SLFN12L: variants seen among roughly 807,000 people sequenced by gnomAD.
The protein encoded by SLFN12L is schlafen family member 12 like.
SLFN12L carries 34 observed loss-of-function variants against 34.8 expected under a neutral mutation model. The ratio of observed to expected loss-of-function variants is 0.98; its 90% CI spans 0.74 to 1.30. The LOEUF (loss-of-function observed/expected upper bound fraction) is 1.30. Among genes scored for constraint, SLFN12L ranks in the 50% most tolerant of loss-of-function variants. The probability of loss-of-function intolerance (pLI) is 0.00; values close to 1 mark genes in which losing one functional copy is unlikely to be tolerated. For missense variants in SLFN12L, 703 were observed against 696.2 expected (o/e 1.01, Z -0.11); for synonymous variants, 259 against 247.5 (o/e 1.05, Z -0.44).
intron 2 of SLFN12L, among the ~76,000 whole-genome samples, chr17:35,500,926 G>A (rs569041634): frequency 6.6e-6 from 1 of 152,246 alleles, no homozygotes; most frequent in South Asian, 2.1e-4. Context: ...CCTTGGAGTT[G>A]TAAGCCCTTA....
chr17:35,491,221 G>A, intron 2 of SLFN12L: 1 of 1,102,042 alleles, frequency 9.1e-7, no homozygotes, highest in South Asian at 1.5e-5. Flanking sequence ...CCCACTGGTG[G>A]AAGACTTCAA....
At chr17:35,517,951 A>T (rs1238015318) in intron 2 of SLFN12L, among the ~76,000 whole-genome samples, 3 of 152,264 alleles carry the variant, frequency 2.0e-5, no homozygotes, top group South Asian at 2.1e-4. Flanking sequence ...ACGCTAAAAG[A>T]AAACCTAGGC....
In SLFN12L at chr17:35,472,783, G is replaced by A. The variant is rs1220867181; in HGVS notation, c.*2140C>T. Among the ~76,000 whole-genome samples the A allele has an allele frequency of 1.3e-5, 2 of 152,182 alleles. No homozygotes were observed. Among genetic ancestry groups the A allele is most frequent in the African/African-American group, 4.8e-5 (2 of 41,440 alleles). ...TGATATTGATTCTTCCTGTTTATGA[G>A]GATGGAATGTTTTTCCATTTGTTTG... On this transcript the variant is annotated 3_prime_UTR_variant, in exon 5 of 5. Transcript: ENST00000628453.
chr17:35,484,687 C>A (rs1597838578), intron 2 of SLFN12L, among the ~76,000 whole-genome samples: 1 of 152,204 alleles, frequency 6.6e-6, no homozygotes, highest in African/African-American at 2.4e-5. Flanking sequence ...AATAGCCTGG[C>A]AAGTGCATTG....
chr17:35,520,950 T>G (rs1263692985), intron 2 of SLFN12L, among the ~76,000 whole-genome samples: 1 of 152,134 alleles, frequency 6.6e-6, no homozygotes, highest in Non-Finnish European at 1.5e-5. Flanking sequence ...CCTTTCTGTC[T>G]AAGCTTCCCC....
intron 2 of SLFN12L, among the ~76,000 whole-genome samples, chr17:35,491,869 C>G (rs1310624876): frequency 6.6e-6 from 1 of 152,188 alleles, no homozygotes; most frequent in Non-Finnish European, 1.5e-5. Flanking sequence ...GGATGAAGAA[C>G]CTGTTTTCAA....
chr17:35,487,632 C>A (rs1914641661), intron 2 of SLFN12L: 1 of 1,338,698 alleles, frequency 7.5e-7, no homozygotes, highest in Non-Finnish European at 1.0e-6. Context: ...ACGTGAATAG[C>A]TCTGAGGGAT....
intron 2 of SLFN12L, chr17:35,490,660 A>G: frequency 1.0e-6 from 1 of 980,390 alleles, no homozygotes; most frequent in Non-Finnish European, 1.6e-6. Flanking sequence ...CCCAAGCTGC[A>G]CGCTGGACCT....
At chr17:35,531,801 A>G (rs1045276024) in intron 1 of SLFN12L, among the ~76,000 whole-genome samples, 1 of 151,432 alleles carries the variant, frequency 6.6e-6, no homozygotes, top group East Asian at 1.9e-4. Flanking sequence ...AATTTTTTTT[A>G]TTTTTATTTT....
In SLFN12L at chr17:35,467,801, C is replaced by G. The variant is rs980227875; in HGVS notation, c.*7122G>C. ...GATATGGGACCCGTTTGAGCCTAAACTTCAACCATGAAGCAAGCAAGCAAG... is the reference window on the plus strand; with the variant it reads ...GATATGGGACCCGTTTGAGCCTAAAGTTCAACCATGAAGCAAGCAAGCAAG... On this transcript the variant is annotated 3_prime_UTR_variant, in exon 5 of 5. Transcript: ENST00000628453. Among the ~76,000 whole-genome samples the G allele has an allele frequency of 1.3e-5, 2 of 152,208 alleles. No individual in the cohort carries two copies. The highest frequency in any genetic ancestry group is 2.9e-5 in the Non-Finnish European group (2 of 68,034).
At chr17:35,537,018 C>A (rs536649141) in intron 1 of SLFN12L, among the ~76,000 whole-genome samples, 1 of 151,646 alleles carries the variant, frequency 6.6e-6, no homozygotes, top group African/African-American at 2.4e-5. Context: ...TCTACAGAAA[C>A]GAAAAAAATT....
chr17:35,517,336 A>G (rs1915859594), intron 2 of SLFN12L, among the ~76,000 whole-genome samples: 1 of 152,234 alleles, frequency 6.6e-6, no homozygotes, highest in Admixed American at 6.5e-5. Context: ...TAGGAATACA[A>G]CTTACAAGGG....
chr17:35,487,675 T>G lies in SLFN12L; in HGVS notation c.87-7480A>C, dbSNP rs1306748533. 3.3e-6 allele frequency: 5 copies of G among 1,519,628 alleles called. No homozygotes were observed. The East Asian group carries it at 1.2e-4, about 37-fold the overall frequency. 94.1% of individuals were successfully genotyped at this position (1,519,628 alleles called of 1,614,324 possible). A position where few individuals can be genotyped will look rare whatever the true frequency, so the allele number is the denominator to read the frequency against. On this transcript the variant is annotated intron_variant, in intron 2 of 4. Coordinates refer to ENST00000628453, the MANE Select transcript of SLFN12L (RefSeq NM_001363830.2). ...AAGTTCTCGTTTCGTCTGTACCTAT[T>G]TGTATTTTCTAAGGCGAAAAAAAAG...
At chr17:35,536,740 T>C (rs751038589) in intron 1 of SLFN12L, among the ~76,000 whole-genome samples, 1 of 148,910 alleles carries the variant, frequency 6.7e-6, no homozygotes, top group Non-Finnish European at 1.5e-5. Context: ...CCTAGGGAGG[T>C]TGAGACTGCA....
rs143051307 is a variant in SLFN12L, at chr17:35,501,610, T to A, written c.86+20669A>T. On this transcript the variant is annotated intron_variant, in intron 2 of 4. Transcript: ENST00000628453. Reference sequence around the variant, plus strand: ...TGAGGTGTGAGTGTGGTGTTTTGTCTCAAGGAAGCATGGGTCAGGCACAAA... The same window carrying A: ...TGAGGTGTGAGTGTGGTGTTTTGTCACAAGGAAGCATGGGTCAGGCACAAA... Among the ~76,000 whole-genome samples the A allele has an allele frequency of 4.6e-3, 708 of 152,266 alleles. 4 individuals carry two copies. The highest frequency in any genetic ancestry group is 0.016 in the African/African-American group (650 of 41,530).
At chr17:35,498,206 A>AGCCGGGGCCGCC in intron 2 of SLFN12L, 1 of 260,400 alleles carries the variant, frequency 3.8e-6, no homozygotes, top group Non-Finnish European at 8.1e-6. Flanking sequence ...GCCGCCTGGG[A>AGCCGGGGCCGCC]TGTTCAGTCA....
chr17:35,533,998 G>T (rs2072435390), intron 1 of SLFN12L, among the ~76,000 whole-genome samples: 1 of 152,000 alleles, frequency 6.6e-6, no homozygotes, highest in Non-Finnish European at 1.5e-5. Context: ...CTTTAACCTG[G>T]GAGGCAAAGT....
In SLFN12L at chr17:35,472,289, C is replaced by G. The variant is rs1913820246; in HGVS notation, c.*2634G>C. 2.6e-5 allele frequency among the ~76,000 whole-genome samples: 4 copies of G among 151,802 alleles called. No homozygotes were observed. In the South Asian group the frequency reaches 8.3e-4, roughly 32 times the overall value. ...CAGTTTTCAGTTTGAGTCTTTAGTC[C>G]ATCTTGGGTTAATTTTTGTATAAGG... On this transcript the variant is annotated 3_prime_UTR_variant, in exon 5 of 5. Transcript: ENST00000628453.
intron 1 of SLFN12L, among the ~76,000 whole-genome samples, chr17:35,533,924 T>C (rs2072434511): frequency 6.6e-6 from 1 of 151,536 alleles, no homozygotes; most frequent in Admixed American, 6.6e-5. Flanking sequence ...CTACTAAAAA[T>C]ACAAAAATTA....
Sources: allele counts gnomAD v4.1 joint callset (sites outside exome capture counted in the v4.1 genomes callset), GRCh38; gene constraint gnomAD v4.1.1; transcripts MANE v1.5; gene names NCBI Gene and HGNC (gene_info 2026-07-23, HGNC 2026-07-21).